APBA2: variants seen among roughly 807,000 people sequenced by gnomAD.
The protein encoded by APBA2 is amyloid-beta A4 precursor protein-binding family A member 2.
Under a neutral mutation model 75.0 loss-of-function variants are expected in APBA2, and 30 were observed. The ratio of observed to expected loss-of-function variants is 0.40; its 90% CI spans 0.30 to 0.54. The LOEUF is 0.54. Ranked by LOEUF, APBA2 falls within the 20% of genes least tolerant of loss-of-function variation. The pLI, the probability that APBA2 is intolerant of heterozygous loss-of-function variation, is 0.49. For synonymous variants in APBA2, 444 were observed against 409.6 expected (o/e 1.08, Z -1.01); for missense variants, 801 against 1,016.1 (o/e 0.79, Z 2.88).
intron 2 of APBA2, among the ~76,000 whole-genome samples, chr15:28,952,186 T>G (rs983677445): frequency 2.0e-5 from 3 of 152,032 alleles, no homozygotes; most frequent in Non-Finnish European, 4.4e-5. Flanking sequence ...TTGGACAACT[T>G]ACTGTGTAGA....
At chr15:28,959,631 C>T (rs1007515517) in intron 2 of APBA2, among the ~76,000 whole-genome samples, 4 of 152,238 alleles carry the variant, frequency 2.6e-5, no homozygotes, top group Non-Finnish European at 5.9e-5. Flanking sequence ...GTTAAGTCCC[C>T]TAGCCTGTGG....
chr15:28,960,756 C>T (rs1232961897), intron 2 of APBA2, among the ~76,000 whole-genome samples: 1 of 149,468 alleles, frequency 6.7e-6, no homozygotes, highest in Non-Finnish European at 1.5e-5. Flanking sequence ...ATGCACCCAT[C>T]ATTCTTTTTT....
rs1404446827 is a variant in APBA2 at position 29,049,641 on chromosome 15, T to C, written c.-40-4204T>C. On this transcript the variant is annotated intron_variant, in intron 3 of 14. Transcript: ENST00000683413. ...TGAAGTCCCAGATGACCACCCTGACTGCCTCCAGCTCACCATAAAATCCTC... is the reference window on the plus strand; with the variant it reads ...TGAAGTCCCAGATGACCACCCTGACCGCCTCCAGCTCACCATAAAATCCTC... Among the ~76,000 whole-genome samples, 5 of 152,214 alleles carry C rather than the reference T, an allele frequency of 3.3e-5. No homozygotes were observed. The East Asian group carries it at 5.8e-4, about 18-fold the overall frequency.
intron 2 of APBA2, among the ~76,000 whole-genome samples, chr15:28,942,948 G>A (rs549929912): frequency 3.3e-5 from 5 of 152,242 alleles, no homozygotes; most frequent in African/African-American, 9.6e-5. Context: ...TCGTTCTCAG[G>A]GGGGGCTTCT....
At chr15:28,994,376 AG>A (rs1311422987) in intron 2 of APBA2, among the ~76,000 whole-genome samples, 1 of 152,138 alleles carries the variant, frequency 6.6e-6, no homozygotes, top group Non-Finnish European at 1.5e-5. Context: ...TGTGATAAAG[AG>A]GCCTCCTTGC....
chr15:29,028,781 T>C (rs2040349090), intron 3 of APBA2, among the ~76,000 whole-genome samples: 1 of 152,226 alleles, frequency 6.6e-6, no homozygotes, highest in Non-Finnish European at 1.5e-5. Context: ...TTTTTTCATA[T>C]GTTTGATGGC....
intron 3 of APBA2, among the ~76,000 whole-genome samples, chr15:29,039,146 TG>T: frequency 7.0e-6 from 1 of 143,386 alleles, no homozygotes; most frequent in African/African-American, 2.6e-5. Context: ...TGTGTGTGTG[TG>T]TGTGTGTGTA....
At chr15:29,029,156 C>T (rs2040366804) in intron 3 of APBA2, among the ~76,000 whole-genome samples, 2 of 151,990 alleles carry the variant, frequency 1.3e-5, no homozygotes, top group Non-Finnish European at 2.9e-5. Flanking sequence ...ACATTTAAGT[C>T]TTTAATCCAT....
At chr15:29,051,352 A>G (rs566770092) in intron 3 of APBA2, among the ~76,000 whole-genome samples, 29 of 151,976 alleles carry the variant, frequency 1.9e-4, no homozygotes, top group South Asian at 1.5e-3. Context: ...CTCAGTGACA[A>G]TTTTCCTGGT....
chr15:28,990,659 C>T (rs1277909511), intron 2 of APBA2: 1 of 152,138 alleles, frequency 6.6e-6, no homozygotes, highest in East Asian at 1.9e-4. Flanking sequence ...GCCCTGTGGT[C>T]TCCTTGAAAG....
chr15:29,019,160 T>C (rs550688584), intron 3 of APBA2, among the ~76,000 whole-genome samples: 7 of 152,230 alleles, frequency 4.6e-5, no homozygotes, highest in Admixed American at 3.3e-4. Flanking sequence ...CCCTGGTGAC[T>C]TGTGCTCTTG....
At chr15:28,980,644 T>C (rs577995672) in intron 2 of APBA2, among the ~76,000 whole-genome samples, 3 of 152,240 alleles carry the variant, frequency 2.0e-5, no homozygotes, top group Non-Finnish European at 4.4e-5. Flanking sequence ...TTCAGTGCTC[T>C]TCCTATCAAA....
intron 2 of APBA2, among the ~76,000 whole-genome samples, chr15:28,963,176 T>C (rs76614655): frequency 0.019 from 2,903 of 152,342 alleles, 87 homozygotes; most frequent in African/African-American, 0.066. Flanking sequence ...TTTTTCTAAT[T>C]ACGTTTGTTT....
chr15:29,030,480 AAATAAT>A (rs775265296), intron 3 of APBA2, among the ~76,000 whole-genome samples: 2 of 151,518 alleles, frequency 1.3e-5, no homozygotes, highest in African/African-American at 2.4e-5. Context: ...AAAAATAAAT[AAATAAT>A]AATAATAATA....
intron 2 of APBA2, among the ~76,000 whole-genome samples, chr15:28,939,316 CAG>C (rs1328726369): frequency 6.6e-6 from 1 of 152,144 alleles, no homozygotes; most frequent in Non-Finnish European, 1.5e-5. Flanking sequence ...CTGCTGTGAA[CAG>C]GGGTGTACAG....
intron 2 of APBA2, among the ~76,000 whole-genome samples, chr15:28,985,568 T>C (rs186052641): frequency 6.1e-4 from 93 of 152,316 alleles, no homozygotes; most frequent in Non-Finnish European, 1.1e-3. Flanking sequence ...TCAATTAAAA[T>C]GGATTTTGGA....
rs1223103070 is a variant in APBA2, at chr15:29,113,955, A to G, written c.2117A>G (p.Gln706Arg). 6 of 1,613,714 alleles carry G rather than the reference A, an allele frequency of 3.7e-6. No homozygotes were observed. The South Asian group carries it at 6.6e-5, about 18-fold the overall frequency. ...VGHRIIEINGQSVVATAHEKI... is the reference protein window; with the variant it reads ...VGHRIIEINGRSVVATAHEKI... ...CACCGCATCATCGAGATCAACGGGC[A>G]GAGCGTGGTGGCCACAGCCCACGAG... is the stretch of plus-strand genomic sequence containing the variant. The change falls in exon 14 of 15, where the codon CAG becomes CGG. Residue 706 changes from glutamine (Q) to arginine (R), a missense_variant. Coordinates refer to ENST00000683413, the MANE Select transcript of APBA2 (RefSeq NM_001353788.2).
At chr15:29,064,699 A>G (rs2042299749) in intron 4 of APBA2, among the ~76,000 whole-genome samples, 1 of 152,082 alleles carries the variant, frequency 6.6e-6, no homozygotes, top group South Asian at 2.1e-4. Flanking sequence ...GGCGAGGGAC[A>G]TGGGTTGGGG....
At chr15:29,071,153 C>T in intron 4 of APBA2, 1 of 418,728 alleles carries the variant, frequency 2.4e-6, no homozygotes. Flanking sequence ...GATTATATTG[C>T]TGTACTTTCA....
Sources: gnomAD v4.1 joint callset for allele counts (sites outside exome capture counted in the v4.1 genomes callset) on GRCh38, gnomAD v4.1.1 for gene constraint, MANE v1.5 for transcripts, NCBI Gene and HGNC (gene_info 2026-07-23, HGNC 2026-07-21) for gene names.